Variants in PLEKHH2 observed in about 807,000 individuals in gnomAD.
The protein encoded by PLEKHH2 is pleckstrin homology domain-containing family H member 2.
A neutral mutation model predicts 187.9 loss-of-function variants in PLEKHH2; 129 were observed. That is an observed-to-expected ratio of 0.69 (90% CI 0.59 to 0.79). The LOEUF is 0.79. PLEKHH2 is among the 30% of genes least tolerant of loss of function. PLEKHH2 has a pLI of 0.00. For synonymous variants in PLEKHH2, 686 were observed against 605.6 expected (o/e 1.13, Z -1.95); for missense variants, 2,076 against 1,751.2 (o/e 1.19, Z -3.31).
chr2:43,643,280 C>A (rs1401810311), intron 1 of PLEKHH2, among the ~76,000 whole-genome samples: 1 of 152,088 alleles, frequency 6.6e-6, no homozygotes, highest in African/African-American at 2.4e-5. Context: ...AATAAAATGA[C>A]TTCCAGCTCT....
intron 2 of PLEKHH2, among the ~76,000 whole-genome samples, chr2:43,674,977 T>G (rs897292281): frequency 7.2e-6 from 1 of 139,770 alleles, no homozygotes; most frequent in African/African-American, 2.7e-5. Flanking sequence ...AAAGCAAGAC[T>G]CCATTTCAAA....
At chr2:43,697,123 A>C in intron 6 of PLEKHH2, 48 bp from the exon 7 acceptor site, 11 of 1,459,914 alleles carry the variant, frequency 7.5e-6, no homozygotes, top group Non-Finnish European at 9.2e-6. Flanking sequence ...ATGTTTAACA[A>C]ACTTCTATAA....
At chr2:43,750,187 T>C (rs1671950086) in intron 24 of PLEKHH2, among the ~76,000 whole-genome samples, 1 of 152,184 alleles carries the variant, frequency 6.6e-6, no homozygotes, top group African/African-American at 2.4e-5. Flanking sequence ...GAGACTCTCA[T>C]GTGGACCAGG....
chr2:43,741,189 T>C lies in PLEKHH2; in HGVS notation c.3221+146T>C, dbSNP rs538907943. The C allele has an allele frequency of 4.3e-5, 26 of 610,806 alleles. No individual in the cohort carries two copies. The South Asian group carries it at 8.1e-4, about 19-fold the overall frequency. The allele number at this position is 610,806 out of a possible 1,614,324, so 37.8% of individuals were successfully genotyped here. ...ACAGGAAGCCTTTGGTTATCATTGA[T>C]GTGGAGCTAGGAAAATATTTCCTTT... On this transcript the variant is annotated intron_variant, in intron 21 of 29. Coordinates refer to ENST00000282406, the MANE Select transcript of PLEKHH2 (RefSeq NM_172069.4).
Position 43,711,749 on chromosome 2 carries a change from C to T in PLEKHH2, c.2302-476C>T, listed in dbSNP as rs13400713. 13,350 of 399,828 alleles carry T rather than the reference C, an allele frequency of 0.033. 1,123 individuals are homozygous for T. In the East Asian group the frequency reaches 0.44, roughly 13 times the overall value. The allele number at this position is 399,828 out of a possible 1,614,324, so 24.8% of individuals were successfully genotyped here. A position where few individuals can be genotyped will look rare whatever the true frequency, so the allele number is the denominator to read the frequency against. On this transcript the variant is annotated intron_variant, in intron 14 of 29. Coordinates refer to ENST00000282406, the MANE Select transcript of PLEKHH2 (RefSeq NM_172069.4). ...TACTAAAAATTCAAAAAAAATTATCCGGGCATGGTGGCAGGTGCCTGTAAG... is the reference window on the plus strand; with the variant it reads ...TACTAAAAATTCAAAAAAAATTATCTGGGCATGGTGGCAGGTGCCTGTAAG...
intron 22 of PLEKHH2, 91 bp downstream of exon 22, chr2:43,743,009 G>A: frequency 9.8e-7 from 1 of 1,016,462 alleles, no homozygotes; most frequent in Non-Finnish European, 1.3e-6. Flanking sequence ...ACTTTTGTCA[G>A]CACCTGGCAG....
At position 43,753,534 on chromosome 2, in the gene PLEKHH2, C is replaced by G. The variant is rs919805354; in HGVS notation, c.3654-85C>G. 4 of 1,125,156 alleles carry G rather than the reference C, an allele frequency of 3.6e-6. No homozygotes were observed. The African/African-American group carries it at 4.9e-5, about 14-fold the overall frequency. The allele number at this position is 1,125,156 out of a possible 1,614,324, so 69.7% of individuals were successfully genotyped here. A position where few individuals can be genotyped will look rare whatever the true frequency, so the allele number is the denominator to read the frequency against. On this transcript the variant is annotated intron_variant, in intron 24 of 29. Coordinates refer to ENST00000282406, the MANE Select transcript of PLEKHH2 (RefSeq NM_172069.4). ...ACTTAGAGTACTGTGTTAAAACAACCCCATCTCAGTCCTCTGGATTTATCT... is the reference window on the plus strand; with the variant it reads ...ACTTAGAGTACTGTGTTAAAACAACGCCATCTCAGTCCTCTGGATTTATCT...
chr2:43,736,416 C>T lies in PLEKHH2; in HGVS notation c.2944-1925C>T, dbSNP rs61730670. 5.6e-3 allele frequency among the ~76,000 whole-genome samples: 860 copies of T among 152,274 alleles called. 16 individuals carry two copies. Among genetic ancestry groups the T allele is most frequent in the African/African-American group, 0.019 (809 of 41,572 alleles). On this transcript the variant is annotated intron_variant, in intron 19 of 29. Coordinates refer to ENST00000282406, the MANE Select transcript of PLEKHH2 (RefSeq NM_172069.4). The stretch of plus-strand genomic sequence containing the variant: ...ACTAATGACATACGCCCTGTGATTG[C>T]TGCAGCTTACTGTCTGGAGAGATTC...
intron 2 of PLEKHH2, among the ~76,000 whole-genome samples, chr2:43,669,534 C>T (rs1445215957): frequency 6.6e-6 from 1 of 151,820 alleles, no homozygotes; most frequent in Non-Finnish European, 1.5e-5. Context: ...TGATATAAGA[C>T]ACGAATAGCA....
rs755046870 is a variant in PLEKHH2, at chr2:43,695,092, A to G, written c.421-51A>G. 3.0e-6 allele frequency: 3 copies of G among 986,066 alleles called. No homozygotes were observed. In the South Asian group the frequency reaches 7.3e-5, roughly 24 times the overall value. 61.1% of individuals were successfully genotyped at this position (986,066 alleles called of 1,614,324 possible). ...TTCTAATATTATAATTTATTAGTACATTTTTATAATATTATCTCTATATGA... is the reference window on the plus strand; with the variant it reads ...TTCTAATATTATAATTTATTAGTACGTTTTTATAATATTATCTCTATATGA... On this transcript the variant is annotated intron_variant, in intron 5 of 29. Transcript: ENST00000282406.
At position 43,738,533 on chromosome 2, in the gene PLEKHH2, AT is replaced by A. The variant is rs1458338725; in HGVS notation, c.3123+15del. 3.2e-6 allele frequency: 5 copies of A among 1,587,256 alleles called. No homozygotes were observed. Among genetic ancestry groups the A allele is most frequent in the Non-Finnish European group, 4.3e-6 (5 of 1,162,438 alleles). On this transcript the variant is annotated intron_variant, in intron 20 of 29. Coordinates refer to ENST00000282406, the MANE Select transcript of PLEKHH2 (RefSeq NM_172069.4). ...AGGACCATTGCAGGTAGATATTAAT[AT>A]TGATACATATACATGCAATTTAAAG...
intron 24 of PLEKHH2, among the ~76,000 whole-genome samples, chr2:43,750,493 A>G (rs997058842): frequency 2.7e-5 from 4 of 146,116 alleles, no homozygotes; most frequent in African/African-American, 1.1e-4. Flanking sequence ...AAAAAAAAAA[A>G]GAGAGAGAGA....
At chr2:43,686,724 G>T (rs997356570) in intron 3 of PLEKHH2, among the ~76,000 whole-genome samples, 3 of 152,280 alleles carry the variant, frequency 2.0e-5, no homozygotes, top group Admixed American at 1.3e-4. Flanking sequence ...TGATTAGAAT[G>T]ATTAATTAAT....
Position 43,678,900 on chromosome 2 carries a change from G to A in PLEKHH2, c.161G>A (p.Arg54His), listed in dbSNP as rs774039053. The A allele has an allele frequency of 3.5e-5, 56 of 1,608,838 alleles. No homozygotes were observed. The highest frequency in any genetic ancestry group is 4.5e-5 in the East Asian group (2 of 44,820). Residue 54 changes from arginine to histidine, a missense_variant, in exon 3 of 30, where the codon CGT (arginine) becomes CAT (histidine). By Grantham distance (29) the Arg-to-His change is conservative (BLOSUM62 0). Transcript: ENST00000282406. ...QLERQVIDAE[R>H]QAEKAFQQVQ... is the part of the protein sequence containing the mutation. Reference sequence around the variant, plus strand: ...GAGAGACAAGTTATTGATGCTGAACGTCAAGCAGAAAAAGCTTTTCAACAG... The same window carrying A: ...GAGAGACAAGTTATTGATGCTGAACATCAAGCAGAAAAAGCTTTTCAACAG...
In PLEKHH2 at chr2:43,715,032, C is replaced by T. The variant is rs13414390; in HGVS notation, c.2460+2649C>T. On this transcript the variant is annotated intron_variant, in intron 15 of 29. Coordinates refer to ENST00000282406, the MANE Select transcript of PLEKHH2 (RefSeq NM_172069.4). ...GTGGCTTATGCCTGTAATCCCAGCA[C>T]TTAGGGAGGCTGAGGCAGGCAGATC... Among the ~76,000 whole-genome samples, 977 of 152,166 alleles carry T rather than the reference C, an allele frequency of 6.4e-3. 2 individuals carry two copies. The highest frequency in any genetic ancestry group is 9.5e-3 in the Non-Finnish European group (647 of 67,994).
intron 3 of PLEKHH2, among the ~76,000 whole-genome samples, chr2:43,684,851 A>AATCTCTCAGAGTTTCCAT: frequency 6.6e-6 from 1 of 152,194 alleles, no homozygotes; most frequent in East Asian, 1.9e-4. Flanking sequence ...GAGAATTACA[A>AATCTCTCAGAGTTTCCAT]ATCTCTCAGA....
chr2:43,639,352 T>A (rs1214507418), intron 1 of PLEKHH2, among the ~76,000 whole-genome samples: 1 of 152,208 alleles, frequency 6.6e-6, no homozygotes, highest in African/African-American at 2.4e-5. Context: ...TGTATAGCCA[T>A]CACCAATATC....
chr2:43,654,709 C>CT (rs1007350520), intron 2 of PLEKHH2, among the ~76,000 whole-genome samples: 2 of 39,128 alleles, frequency 5.1e-5, no homozygotes, highest in East Asian at 3.1e-4. Context: ...AAGACACCCC[C>CT]CCCCCCCGCA....
intron 15 of PLEKHH2, 31 bp downstream of exon 15, chr2:43,712,414 AGGCAGC>A: frequency 6.2e-7 from 1 of 1,603,188 alleles, no homozygotes; most frequent in Admixed American, 1.7e-5. Flanking sequence ...GCAATGTCCC[AGGCAGC>A]TATGGGCATG....
Sources: gnomAD v4.1 joint callset for allele counts (sites outside exome capture counted in the v4.1 genomes callset) on GRCh38, gnomAD v4.1.1 for gene constraint, MANE v1.5 for transcripts, NCBI Gene and HGNC (gene_info 2026-07-23, HGNC 2026-07-21) for gene names.